Variants in SLC15A1 observed in about 807,000 individuals in gnomAD.
SLC15A1 encodes the protein solute carrier family 15 member 1, also known as Caco-2 oligopeptide transporter.
In SLC15A1, 83 loss-of-function variants were observed where a neutral mutation model predicts 92.9. That is an observed-to-expected ratio of 0.89 (90% confidence interval 0.75 to 1.07). SLC15A1 has a LOEUF of 1.07. Among genes scored for constraint, SLC15A1 ranks in the 50% least tolerant of loss-of-function variants. The probability of loss-of-function intolerance (pLI) is 0.00; values close to 1 mark genes in which losing one functional copy is unlikely to be tolerated. For synonymous variants in SLC15A1, 322 were observed against 318.2 expected, an observed-to-expected ratio of 1.01 and a Z score of -0.13; for missense variants, 857 against 880.1, an observed-to-expected ratio of 0.97 and a Z score of 0.33.
At chr13:98,750,095 C>T (rs2088530363) in intron 1 of SLC15A1, among the ~76,000 whole-genome samples, 1 of 152,000 alleles carries the variant, frequency 6.6e-6, no homozygotes, top group African/African-American at 2.4e-5. Context: ...TTTGGCTGTG[C>T]ATTGCCACAC....
chr13:98,708,377 T>C (rs2088132424), intron 15 of SLC15A1, among the ~76,000 whole-genome samples: 1 of 152,214 alleles, frequency 6.6e-6, no homozygotes, highest in Non-Finnish European at 1.5e-5. Flanking sequence ...TGTTTGTAAG[T>C]GATGAACTTC....
chr13:98,750,172 G>C (rs1001774841), intron 1 of SLC15A1, among the ~76,000 whole-genome samples: 2 of 152,006 alleles, frequency 1.3e-5, no homozygotes, highest in African/African-American at 4.8e-5. Flanking sequence ...GAGTGCAATG[G>C]CACGATCTTG....
At chr13:98,730,952 A>T (rs1212598192) in intron 1 of SLC15A1, among the ~76,000 whole-genome samples, 3 of 152,150 alleles carry the variant, frequency 2.0e-5, no homozygotes, top group African/African-American at 7.2e-5. Context: ...GAGGGAGGGA[A>T]GAAACGTTGG....
At chr13:98,751,594 G>A (rs986759495) in intron 1 of SLC15A1, among the ~76,000 whole-genome samples, 22 of 152,288 alleles carry the variant, frequency 1.4e-4, no homozygotes, top group African/African-American at 5.1e-4. Flanking sequence ...GGTCTTTCTG[G>A]AACAGGCACA....
intron 15 of SLC15A1, among the ~76,000 whole-genome samples, chr13:98,707,891 T>TTAA (rs1315915894): frequency 3.7e-5 from 4 of 106,852 alleles, no homozygotes; most frequent in African/African-American, 1.2e-4. Flanking sequence ...AGACCCTGTT[T>TTAA]AAAAAAAAAA....
Position 98,708,748 on chromosome 13 carries a change from C to T in SLC15A1, c.1087G>A (p.Val363Ile), listed in dbSNP as rs2088136148. 6.2e-7 allele frequency: 1 copy of T among 1,611,960 alleles called. No homozygotes were observed. The change falls in exon 15 of 23, where the codon GTT becomes ATT. Residue 363 changes from valine (V) to isoleucine (I), a missense_variant. By Grantham distance (29) the Val-to-Ile change is conservative (BLOSUM62 3). Transcript: ENST00000376503. The stretch of plus-strand genomic sequence containing the variant: ...GCCATGGAGGCCAGGACCATGCCAA[C>T]TGCCATCTTCTTCAAGGAGCTGATG... The part of the protein sequence containing the change: ...FNFTSLKKMA[V>I]GMVLASMAFV...
chr13:98,714,463 C>A (rs1407351631), intron 9 of SLC15A1, among the ~76,000 whole-genome samples: 1 of 151,884 alleles, frequency 6.6e-6, no homozygotes, highest in Non-Finnish European at 1.5e-5. Flanking sequence ...TTGAGACCAG[C>A]CTGGCCAACA....
chr13:98,704,003 T>A (rs1365422269), intron 17 of SLC15A1, among the ~76,000 whole-genome samples: 1 of 152,186 alleles, frequency 6.6e-6, no homozygotes, highest in African/African-American at 2.4e-5. Context: ...GTACTCTGTG[T>A]GACTTCTGTA....
intron 8 of SLC15A1, among the ~76,000 whole-genome samples, chr13:98,718,299 T>A (rs1336555622): frequency 1.8e-5 from 2 of 113,718 alleles, no homozygotes; most frequent in Non-Finnish European, 1.7e-5. Context: ...ATCACCTTCA[T>A]CTTTTTTTTT....
At chr13:98,692,145 T>TTTTC (rs1462130528) in intron 18 of SLC15A1, among the ~76,000 whole-genome samples, 1 of 66,052 alleles carries the variant, frequency 1.5e-5, no homozygotes, top group African/African-American at 1.4e-4. Context: ...ACTTTTTTTT[T>TTTTC]TTTTTTTTTT....
chr13:98,742,116 A>C lies in SLC15A1; in HGVS notation c.4+10479T>G, dbSNP rs1000457721. ...ACGCCTGGTGGTCCTCCCAGAACAC[A>C]AGAGAATGGGAAGGCCGTGAGGGGC... On this transcript the variant is annotated intron_variant, in intron 1 of 22. Transcript: ENST00000376503. Among the ~76,000 whole-genome samples the C allele has an allele frequency of 1.8e-4, 28 of 152,208 alleles. 1 individual carries two copies. Among genetic ancestry groups the C allele is most frequent in the Admixed American group, 1.7e-3 (26 of 15,280 alleles).
intron 1 of SLC15A1, among the ~76,000 whole-genome samples, chr13:98,742,514 C>T (rs2088456696): frequency 6.6e-6 from 1 of 152,164 alleles, no homozygotes; most frequent in Non-Finnish European, 1.5e-5. Context: ...TACAGAGTGC[C>T]TCAAACCGCG....
At chr13:98,734,110 T>C (rs2088371148) in intron 1 of SLC15A1, among the ~76,000 whole-genome samples, 1 of 152,082 alleles carries the variant, frequency 6.6e-6, no homozygotes. Flanking sequence ...GGATTACAGG[T>C]GTGTGCCACC....
chr13:98,686,137 G>A (rs2087926962), intron 22 of SLC15A1, 53 bp downstream of exon 22: 1 of 1,333,282 alleles, frequency 7.5e-7, no homozygotes, highest in Admixed American at 1.8e-5. Flanking sequence ...CCACCATGAT[G>A]ACCATGAACA....
chr13:98,712,373 T>C (rs2088170808), intron 10 of SLC15A1, 125 bp downstream of exon 10: 3 of 704,008 alleles, frequency 4.3e-6, no homozygotes, highest in Admixed American at 2.8e-5. Context: ...TTTTATTTAA[T>C]ATGCTGTAAA....
At chr13:98,688,036 A>G (rs2087944537) in intron 20 of SLC15A1, among the ~76,000 whole-genome samples, 2 of 152,222 alleles carry the variant, frequency 1.3e-5, no homozygotes, top group African/African-American at 4.8e-5. Flanking sequence ...GTTAACATAA[A>G]TTATTATCCA....
At chr13:98,701,432 G>A (rs1482708217) in intron 18 of SLC15A1, among the ~76,000 whole-genome samples, 1 of 151,868 alleles carries the variant, frequency 6.6e-6, no homozygotes, top group Non-Finnish European at 1.5e-5. Flanking sequence ...GCTTCTTTTG[G>A]TACAGTCCTG....
chr13:98,694,186 A>T (rs1285270368), intron 18 of SLC15A1, among the ~76,000 whole-genome samples: 1 of 152,054 alleles, frequency 6.6e-6, no homozygotes, highest in Non-Finnish European at 1.5e-5. Flanking sequence ...CCCCACCGAT[A>T]CTCCCTTCTT....
At chr13:98,741,593 A>G (rs951905145) in intron 1 of SLC15A1, among the ~76,000 whole-genome samples, 2 of 152,064 alleles carry the variant, frequency 1.3e-5, no homozygotes, top group East Asian at 3.9e-4. Context: ...AAATGTAGCC[A>G]CATGCCTGTA....
Sources: allele counts gnomAD v4.1 joint callset (sites outside exome capture counted in the v4.1 genomes callset), GRCh38; gene constraint gnomAD v4.1.1; transcripts MANE v1.5; gene names NCBI Gene and HGNC (gene_info 2026-07-23, HGNC 2026-07-21).